GPM6A: variants seen among roughly 807,000 people sequenced by gnomAD.
GPM6A encodes neuronal membrane glycoprotein M6-a.
GPM6A carries 7 observed loss-of-function variants against 32.1 expected under a neutral mutation model. The observed-to-expected ratio is 0.22, with a 90% CI of 0.12 to 0.41. GPM6A has a LOEUF of 0.41. Ranked by LOEUF, GPM6A falls within the 10% of genes least tolerant of loss-of-function variation. The pLI, the probability that GPM6A is intolerant of heterozygous loss-of-function variation, is 1.00. For missense variants in GPM6A, 235 were observed against 347.2 expected (o/e 0.68, Z 2.57); for synonymous variants, 130 against 123.4 (o/e 1.05, Z -0.35).
At chr4:175,709,961 C>T (rs993631160) in intron 1 of GPM6A, among the ~76,000 whole-genome samples, 2 of 151,956 alleles carry the variant, frequency 1.3e-5, no homozygotes, top group Non-Finnish European at 2.9e-5. Flanking sequence ...CTAGGTAGTA[C>T]ATGCCATTTC....
intron 2 of GPM6A, among the ~76,000 whole-genome samples, chr4:175,701,165 T>C (rs907012384): frequency 6.6e-6 from 1 of 152,160 alleles, no homozygotes; most frequent in African/African-American, 2.4e-5. Context: ...GGGCTGAGTT[T>C]ATTTCTTTTA....
chr4:175,882,355 T>G (rs1442418747), intron 1 of GPM6A, among the ~76,000 whole-genome samples: 1 of 152,044 alleles, frequency 6.6e-6, no homozygotes, highest in African/African-American at 2.4e-5. Context: ...TATTTTATGC[T>G]GTTGGATGAT....
intron 1 of GPM6A, among the ~76,000 whole-genome samples, chr4:175,788,283 G>C (rs140073274): frequency 2.3e-3 from 347 of 152,184 alleles, no homozygotes; most frequent in Non-Finnish European, 4.2e-3. Flanking sequence ...GAGGATGAAA[G>C]CAAAGATTTT....
intron 6 of GPM6A, among the ~76,000 whole-genome samples, chr4:175,637,737 TATATAAAA>T (rs1354003547): frequency 4.4e-5 from 2 of 45,950 alleles, no homozygotes; most frequent in Non-Finnish European, 7.7e-5. Context: ...TATTATATAT[TATATAAAA>T]ATATAATATA....
intron 1 of GPM6A, among the ~76,000 whole-genome samples, chr4:175,991,908 A>G (rs1258176717): frequency 6.6e-6 from 1 of 152,138 alleles, no homozygotes; most frequent in Non-Finnish European, 1.5e-5. Flanking sequence ...GAACTTGTAA[A>G]ATGATTCCTT....
At chr4:175,729,938 A>C (rs1271510386) in intron 1 of GPM6A, among the ~76,000 whole-genome samples, 1 of 145,404 alleles carries the variant, frequency 6.9e-6, no homozygotes, top group African/African-American at 2.6e-5. Flanking sequence ...ATAAATTTAA[A>C]TAATAAATTT....
chr4:175,840,618 G>T (rs1354929988), intron 1 of GPM6A, among the ~76,000 whole-genome samples: 2 of 152,196 alleles, frequency 1.3e-5, no homozygotes, highest in African/African-American at 4.8e-5. Flanking sequence ...AGGTTTCAGT[G>T]AGCCAAGATC....
intron 1 of GPM6A, chr4:175,872,544 TCTTTA>T (rs1437607296): frequency 6.6e-6 from 1 of 152,216 alleles, no homozygotes; most frequent in Admixed American, 6.5e-5. Flanking sequence ...TAATAAACTC[TCTTTA>T]CTTGGCTTTC....
intron 1 of GPM6A, among the ~76,000 whole-genome samples, chr4:175,923,129 G>C (rs1738720397): frequency 6.6e-6 from 1 of 150,638 alleles, no homozygotes; most frequent in Non-Finnish European, 1.5e-5. Context: ...TATAAATGCT[G>C]AATCTTTGCT....
chr4:175,700,386 T>C (rs998109068), intron 2 of GPM6A, among the ~76,000 whole-genome samples: 2 of 152,174 alleles, frequency 1.3e-5, no homozygotes, highest in African/African-American at 4.8e-5. Context: ...GGAGAAAAGT[T>C]GTCTTCTACC....
intron 1 of GPM6A, chr4:175,781,339 A>G (rs1435813548): frequency 6.6e-6 from 1 of 152,212 alleles, no homozygotes; most frequent in African/African-American, 2.4e-5. Context: ...AGGGGCGCCC[A>G]GAGCTCTTCT....
intron 1 of GPM6A, among the ~76,000 whole-genome samples, chr4:175,914,266 G>C (rs891403222): frequency 7.2e-5 from 11 of 152,176 alleles, no homozygotes; most frequent in Non-Finnish European, 1.3e-4. Flanking sequence ...GAAAGACGGG[G>C]TAAAGGAACA....
intron 1 of GPM6A, among the ~76,000 whole-genome samples, chr4:175,707,849 T>A (rs1054788648): frequency 6.6e-6 from 1 of 152,216 alleles, no homozygotes. Context: ...TCTCTTGTTT[T>A]AAATTCTATC....
chr4:175,680,857 C>T (rs1743646448), intron 2 of GPM6A, among the ~76,000 whole-genome samples: 1 of 152,074 alleles, frequency 6.6e-6, no homozygotes, highest in Admixed American at 6.6e-5. Context: ...TTCATATATA[C>T]TCCATATATT....
intron 1 of GPM6A, among the ~76,000 whole-genome samples, chr4:175,940,134 G>A (rs918353476): frequency 6.6e-6 from 1 of 152,108 alleles, no homozygotes; most frequent in African/African-American, 2.4e-5. Flanking sequence ...TAATAAAATA[G>A]GTAAGGTGAC....
intron 1 of GPM6A, among the ~76,000 whole-genome samples, chr4:175,942,926 T>C (rs948025478): frequency 9.2e-5 from 14 of 152,178 alleles, no homozygotes; most frequent in African/African-American, 3.4e-4. Context: ...AGAAAGTTAA[T>C]GGTATCTTGA....
At chr4:175,813,796 T>C (rs1034051003), upstream of GPM6A, among the ~76,000 whole-genome samples, 11 of 152,236 alleles carry the variant, frequency 7.2e-5, no homozygotes, top group Admixed American at 6.5e-4. Flanking sequence ...GCATTCCACT[T>C]TATTTCTCAT....
intron 1 of GPM6A, among the ~76,000 whole-genome samples, chr4:175,902,185 G>A (rs1737989817): frequency 6.6e-6 from 1 of 152,014 alleles, no homozygotes; most frequent in African/African-American, 2.4e-5. Context: ...TTACTGATAT[G>A]GGGAACAACC....
At chr4:175,751,515 T>C (rs1039963181) in intron 1 of GPM6A, among the ~76,000 whole-genome samples, 7 of 152,170 alleles carry the variant, frequency 4.6e-5, no homozygotes, top group Non-Finnish European at 1.0e-4. Context: ...AGCAAATTTC[T>C]TAGACTCCAC....
Sources: allele counts gnomAD v4.1 joint callset (sites outside exome capture counted in the v4.1 genomes callset), GRCh38; gene constraint gnomAD v4.1.1; transcripts MANE v1.5; gene names NCBI Gene and HGNC (gene_info 2026-07-23, HGNC 2026-07-21).